The following FRY variants were observed in gnomAD, a reference collection of about 807,000 sequenced individuals.
FRY encodes protein furry homolog.
Under a neutral mutation model 348.4 loss-of-function variants are expected in FRY, and 128 were observed. That is an observed-to-expected ratio of 0.37 (90% CI 0.32 to 0.43). The LOEUF (loss-of-function observed/expected upper bound fraction) is 0.43, where lower values mean the gene tolerates loss of function less well. Among genes scored for constraint, FRY ranks in the 20% least tolerant of loss-of-function variants. The pLI is 1.00. For missense variants in FRY, 2,736 were observed against 3,695.2 expected, an observed-to-expected ratio of 0.74 and a Z score of 6.73; for synonymous variants, 1,370 against 1,374.7, an observed-to-expected ratio of 1.00 and a Z score of 0.08.
chr13:32,059,027 G>A (rs1593568528), intron 1 of FRY, among the ~76,000 whole-genome samples: 1 of 152,232 alleles, frequency 6.6e-6, no homozygotes, highest in East Asian at 1.9e-4. Flanking sequence ...TTACTGTGAG[G>A]ACTTAGTGAA....
At chr13:32,278,345 A>AG (rs1186436341) in intron 57 of FRY, 120 bp from the exon 58 acceptor site, 2 of 710,090 alleles carry the variant, frequency 2.8e-6, no homozygotes, top group Admixed American at 2.0e-5. Context: ...AAGTCATTAC[A>AG]GCACAATTTC....
chr13:32,114,787 C>T (rs1453061642), intron 3 of FRY, among the ~76,000 whole-genome samples: 1 of 152,118 alleles, frequency 6.6e-6, no homozygotes, highest in Non-Finnish European at 1.5e-5. Context: ...AGTAAATATC[C>T]TTTCTCATGT....
In FRY at chr13:32,078,687, C is replaced by T. The variant is rs867031670; in HGVS notation, c.71-147C>T. ...TAATGAAAATAATAAAATTCTGACACCATTTCCAAAGAATAAGGCCAGGTT... is the reference window on the plus strand; with the variant it reads ...TAATGAAAATAATAAAATTCTGACATCATTTCCAAAGAATAAGGCCAGGTT... On this transcript the variant is annotated intron_variant, in intron 1 of 60. Transcript: ENST00000542859. 15 of 718,626 alleles carry T rather than the reference C, an allele frequency of 2.1e-5. No individual in the cohort carries two copies. The East Asian group carries it at 3.6e-4, about 17-fold the overall frequency. 44.5% of individuals were successfully genotyped at this position (718,626 alleles called of 1,614,324 possible). A position where few individuals can be genotyped will look rare whatever the true frequency, so the allele number is the denominator to read the frequency against.
At chr13:32,168,665 G>A (rs923127907) in intron 17 of FRY, among the ~76,000 whole-genome samples, 22 of 152,164 alleles carry the variant, frequency 1.4e-4, no homozygotes, top group African/African-American at 4.1e-4. Context: ...TGTATAAGAC[G>A]TCCCTGAAAA....
chr13:32,061,762 A>G (rs958744460), intron 1 of FRY, among the ~76,000 whole-genome samples: 3 of 152,230 alleles, frequency 2.0e-5, no homozygotes, highest in African/African-American at 4.8e-5. Context: ...TCCAAATTGC[A>G]TGCCACTGCT....
intron 10 of FRY, 68 bp downstream of exon 10, chr13:32,135,251 C>T: frequency 1.0e-6 from 1 of 967,796 alleles, no homozygotes; most frequent in Non-Finnish European, 1.7e-6. Flanking sequence ...AGACAGGAAT[C>T]TGTTTGAGGA....
At position 32,089,254 on chromosome 13, in the gene FRY, A is replaced by G. The variant is rs193192766; in HGVS notation, c.270+10221A>G. Among the ~76,000 whole-genome samples the G allele has an allele frequency of 1.1e-4, 17 of 152,316 alleles. No individual in the cohort carries two copies. In the South Asian group the frequency reaches 2.1e-3, roughly 19 times the overall value. On this transcript the variant is annotated intron_variant, in intron 2 of 60. Transcript: ENST00000542859. Reference sequence around the variant, plus strand: ...ATTAGGTATTTTTACTGTTGCTTACATACATATCTAGTATATTCTGACTTT... The same window carrying G: ...ATTAGGTATTTTTACTGTTGCTTACGTACATATCTAGTATATTCTGACTTT...
intron 23 of FRY, among the ~76,000 whole-genome samples, chr13:32,182,774 A>G (rs1882790122): frequency 6.6e-6 from 1 of 152,248 alleles, no homozygotes; most frequent in African/African-American, 2.4e-5. Flanking sequence ...TAGCACTGGA[A>G]TTAAGACCAG....
intron 2 of FRY, among the ~76,000 whole-genome samples, chr13:32,099,844 G>C (rs1383759038): frequency 6.6e-6 from 1 of 152,020 alleles, no homozygotes; most frequent in East Asian, 1.9e-4. Context: ...TGGAAGATCA[G>C]TTAAGGCTTC....
intron 1 of FRY, among the ~76,000 whole-genome samples, chr13:32,073,342 A>G (rs1455959998): frequency 6.6e-6 from 1 of 152,190 alleles, no homozygotes; most frequent in Non-Finnish European, 1.5e-5. Context: ...TGCCCGAGCC[A>G]TGTGTGCCTG....
chr13:32,097,160 T>C (rs1285356562), intron 2 of FRY, among the ~76,000 whole-genome samples: 2 of 152,126 alleles, frequency 1.3e-5, no homozygotes, highest in Non-Finnish European at 2.9e-5. Context: ...GGCAGGATCT[T>C]CTTTTAGGTA....
At chr13:32,126,995 A>G (rs561232627) in intron 7 of FRY, among the ~76,000 whole-genome samples, 15 of 152,310 alleles carry the variant, frequency 9.8e-5, no homozygotes, top group African/African-American at 2.9e-4. Flanking sequence ...CAGAATCACT[A>G]TTTTTAGTCT....
In FRY at chr13:32,276,576, T is replaced by C; in HGVS notation, c.8385+14T>C. Reference sequence around the variant, plus strand: ...GCCACACTCTCTGTAAGCTTTTGTGTTTCTATGCATATGCAGTCAGTTAAA... The same window carrying C: ...GCCACACTCTCTGTAAGCTTTTGTGCTTCTATGCATATGCAGTCAGTTAAA... On this transcript the variant is annotated intron_variant, in intron 57 of 60. Coordinates refer to ENST00000542859, the MANE Select transcript of FRY (RefSeq NM_023037.3). 3 of 1,350,800 alleles carry C rather than the reference T, an allele frequency of 2.2e-6. No homozygotes were observed. The highest frequency in any genetic ancestry group is 3.2e-6 in the Non-Finnish European group (3 of 939,248). 83.7% of individuals were successfully genotyped at this position (1,350,800 alleles called of 1,614,324 possible).
At chr13:32,213,609 C>A (rs1170719827) in intron 35 of FRY, among the ~76,000 whole-genome samples, 1 of 152,210 alleles carries the variant, frequency 6.6e-6, no homozygotes, top group African/African-American at 2.4e-5. Flanking sequence ...ATATTACCTT[C>A]TTTGGAAAAC....
chr13:32,047,581 T>G (rs76953375), intron 1 of FRY, among the ~76,000 whole-genome samples: 1,953 of 142,432 alleles, frequency 0.014, 40 homozygotes, highest in African/African-American at 0.039. Flanking sequence ...TCTTTTTTTT[T>G]GGGGGGGGTG....
At chr13:32,134,870 C>G (rs1879601999) in intron 8 of FRY, 34 bp from the exon 9 acceptor site, 37 of 1,271,828 alleles carry the variant, frequency 2.9e-5, no homozygotes, top group African/African-American at 4.4e-5. Flanking sequence ...TTTCAACCTA[C>G]TCTCCCTCCC....
In FRY at chr13:32,208,843, T is replaced by C. The variant is rs760414213; in HGVS notation, c.4019-10T>C. On this transcript the variant is annotated splice_polypyrimidine_tract_variant and intron_variant, in intron 31 of 60. Coordinates refer to ENST00000542859, the MANE Select transcript of FRY (RefSeq NM_023037.3). ...TATGGATGACTCTCTGTCACTGCAA[T>C]TCTCTTTAGAGGTAAGCCAGCGATT... 3 of 1,614,040 alleles carry C rather than the reference T, an allele frequency of 1.9e-6. No individual in the cohort carries two copies. The South Asian group carries it at 3.3e-5, about 18-fold the overall frequency.
chr13:32,257,696 T>C (rs1887410415), intron 51 of FRY, among the ~76,000 whole-genome samples: 1 of 152,234 alleles, frequency 6.6e-6, no homozygotes, highest in African/African-American at 2.4e-5. Flanking sequence ...AGAAAGCTAT[T>C]TCAGAAATTG....
At position 32,145,851 on chromosome 13, in the gene FRY, G is replaced by A. The variant is rs1046289908; in HGVS notation, c.1180-1431G>A. ...GAGCCACCGCGCCCGGCCTCTGACT[G>A]ATTTGTTAATGCCTGGGTGCCCACA... On this transcript the variant is annotated intron_variant, in intron 11 of 60. Transcript: ENST00000542859. Among the ~76,000 whole-genome samples, 5 of 152,134 alleles carry A rather than the reference G, an allele frequency of 3.3e-5. 1 individual carries two copies. Among genetic ancestry groups the A allele is most frequent in the Admixed American group, 6.5e-5 (1 of 15,282 alleles).
Sources: allele counts gnomAD v4.1 joint callset (sites outside exome capture counted in the v4.1 genomes callset), GRCh38; gene constraint gnomAD v4.1.1; transcripts MANE v1.5; gene names NCBI Gene and HGNC (gene_info 2026-07-23, HGNC 2026-07-21).